EPHA6: variants seen among roughly 807,000 people sequenced by gnomAD.
The protein encoded by EPHA6 is ephrin type-A receptor 6.
EPHA6 carries 50 observed loss-of-function variants against 112.0 expected under a neutral mutation model. That is an observed-to-expected ratio of 0.45 (90% CI 0.36 to 0.56). EPHA6 has a LOEUF of 0.56. EPHA6 is among the 20% of genes least tolerant of loss of function. EPHA6 has a pLI of 0.00. For missense variants in EPHA6, 1,280 were observed against 1,417.4 expected (o/e 0.90, Z 1.56); for synonymous variants, 529 against 490.7 (o/e 1.08, Z -1.03).
intron 2 of EPHA6, among the ~76,000 whole-genome samples, chr3:96,983,696 G>A (rs1450632151): frequency 1.3e-5 from 2 of 152,168 alleles, no homozygotes; most frequent in Non-Finnish European, 2.9e-5. Context: ...ACACCAATCA[G>A]ATGTAGATTT....
At chr3:97,024,093 T>TA (rs1241057995) in intron 3 of EPHA6, among the ~76,000 whole-genome samples, 1 of 152,180 alleles carries the variant, frequency 6.6e-6, no homozygotes, top group Non-Finnish European at 1.5e-5. Context: ...ATTAAAGTCC[T>TA]AATACAAATA....
chr3:97,200,025 G>A (rs2077540522), intron 3 of EPHA6, among the ~76,000 whole-genome samples: 1 of 152,164 alleles, frequency 6.6e-6, no homozygotes, highest in Admixed American at 6.6e-5. Context: ...GGGTTATAGA[G>A]CAGCATTTGC....
Position 96,987,549 on chromosome 3 carries a change from A to T in EPHA6, c.670A>T (p.Met224Leu), listed in dbSNP as rs2043067007. ...TCKETFNLFY[M>L]ESDESHGIKF... The stretch of plus-strand genomic sequence containing the variant: ...CAAAGAAACATTTAATCTGTTTTAT[A>T]TGGAATCAGATGAGTCCCACGGAAT... Residue 224 changes from methionine to leucine, a missense_variant, in exon 3 of 18, where the codon ATG (methionine) becomes TTG (leucine). Transcript: ENST00000389672. 1 of 1,613,918 alleles carries T rather than the reference A, an allele frequency of 6.2e-7. No individual in the cohort carries two copies. The highest frequency in any genetic ancestry group is 8.5e-7 in the Non-Finnish European group (1 of 1,179,818).
At chr3:97,091,734 T>G (rs929357360) in intron 3 of EPHA6, among the ~76,000 whole-genome samples, 5 of 152,176 alleles carry the variant, frequency 3.3e-5, no homozygotes, top group African/African-American at 1.2e-4. Context: ...TCATTGAATG[T>G]TAGCTATTTA....
chr3:97,015,351 G>C (rs560780030), intron 3 of EPHA6, among the ~76,000 whole-genome samples: 88 of 152,222 alleles, frequency 5.8e-4, no homozygotes, highest in African/African-American at 2.1e-3. Flanking sequence ...AGCAGTAGTG[G>C]AACTTTACCC....
intron 12 of EPHA6, 56 bp from the exon 13 acceptor site, chr3:97,610,737 C>A: frequency 7.3e-7 from 1 of 1,374,338 alleles, no homozygotes; most frequent in Middle Eastern, 1.8e-4. Context: ...CTCTTAACTG[C>A]AGCACATATT....
chr3:97,622,316 C>T (rs1160092736), intron 13 of EPHA6, among the ~76,000 whole-genome samples: 1 of 151,806 alleles, frequency 6.6e-6, no homozygotes, highest in Non-Finnish European at 1.5e-5. Context: ...TTTGACTACT[C>T]TTAGTATCTC....
chr3:97,370,273 T>G (rs1403514080), intron 5 of EPHA6, among the ~76,000 whole-genome samples: 2 of 151,864 alleles, frequency 1.3e-5, no homozygotes, highest in Non-Finnish European at 2.9e-5. Context: ...AATAATTGCT[T>G]CTTCATTCAT....
At chr3:97,010,038 C>T (rs1165708112) in intron 3 of EPHA6, 2 of 1,292,410 alleles carry the variant, frequency 1.5e-6, no homozygotes, top group East Asian at 5.0e-5. Context: ...AGTTGGCCAT[C>T]TTGGCCCCAC....
intron 3 of EPHA6, among the ~76,000 whole-genome samples, chr3:97,117,533 G>A (rs1272375801): frequency 6.6e-6 from 1 of 151,718 alleles, no homozygotes; most frequent in Non-Finnish European, 1.5e-5. Context: ...TCTTCTGCAT[G>A]TTAATTTTCA....
At chr3:97,177,789 A>G (rs2076878012) in intron 3 of EPHA6, among the ~76,000 whole-genome samples, 1 of 151,914 alleles carries the variant, frequency 6.6e-6, no homozygotes, top group Non-Finnish European at 1.5e-5. Flanking sequence ...TTTGGTTTAC[A>G]TTGGCATGGA....
chr3:97,539,010 TCTTTCTTTCTTTCTTTCTTTCTTTCTTG>T (rs2092803264), intron 11 of EPHA6, among the ~76,000 whole-genome samples: 2 of 150,842 alleles, frequency 1.3e-5, no homozygotes, highest in African/African-American at 4.9e-5. Context: ...TTTCTTTCTT[TCTTTCTTTCTTTCTTTCTTTCTTTCTTG>T]CTTTCTTTCT....
At chr3:96,858,458 A>T (rs1429638073) in intron 1 of EPHA6, among the ~76,000 whole-genome samples, 2 of 152,128 alleles carry the variant, frequency 1.3e-5, no homozygotes, top group African/African-American at 4.8e-5. Flanking sequence ...ACATGATAGA[A>T]GTTGGAGATT....
chr3:97,529,919 A>G (rs2092676694), intron 10 of EPHA6, among the ~76,000 whole-genome samples: 1 of 152,030 alleles, frequency 6.6e-6, no homozygotes. Flanking sequence ...TATCTTGGTA[A>G]AATACCAACA....
chr3:97,384,353 G>A (rs545123553), intron 5 of EPHA6, among the ~76,000 whole-genome samples: 35 of 152,232 alleles, frequency 2.3e-4, no homozygotes, highest in Non-Finnish European at 4.4e-4. Flanking sequence ...AGCAATGCTG[G>A]GATTCAGTTC....
chr3:96,818,242 A>G (rs1274854729), intron 1 of EPHA6, among the ~76,000 whole-genome samples: 7 of 152,012 alleles, frequency 4.6e-5, no homozygotes, highest in Admixed American at 1.3e-4. Context: ...CACAGTGGCC[A>G]GTAGACACCA....
At chr3:97,161,632 G>A (rs988013772) in intron 3 of EPHA6, among the ~76,000 whole-genome samples, 1 of 152,014 alleles carries the variant, frequency 6.6e-6, no homozygotes, top group Non-Finnish European at 1.5e-5. Context: ...TTTCCTGGCG[G>A]CAGGAGAGGT....
chr3:97,013,645 A>C (rs186187241), intron 3 of EPHA6, among the ~76,000 whole-genome samples: 43 of 152,314 alleles, frequency 2.8e-4, no homozygotes, highest in Middle Eastern at 3.4e-3. Flanking sequence ...AAATGTATAT[A>C]CACTTTGTAT....
intron 14 of EPHA6, among the ~76,000 whole-genome samples, chr3:97,643,739 T>A (rs1368582769): frequency 1.3e-5 from 2 of 151,928 alleles, no homozygotes; most frequent in South Asian, 2.1e-4. Context: ...AAGAGCTAAC[T>A]ATCCTAAATA....
Sources: gnomAD v4.1 joint callset for allele counts (sites outside exome capture counted in the v4.1 genomes callset) on GRCh38, gnomAD v4.1.1 for gene constraint, MANE v1.5 for transcripts, NCBI Gene and HGNC (gene_info 2026-07-23, HGNC 2026-07-21) for gene names.